The following CACNA2D3 variants were observed in gnomAD, a reference collection of about 807,000 sequenced individuals.
The protein encoded by CACNA2D3 is calcium voltage-gated channel auxiliary subunit alpha2delta 3.
In CACNA2D3, 60 loss-of-function variants were observed where a neutral mutation model predicts 160.6. The observed-to-expected ratio is 0.37, with a 90% CI of 0.30 to 0.46. The LOEUF is 0.46. CACNA2D3 is among the 20% of genes least tolerant of loss of function. The pLI is 1.00. For synonymous variants in CACNA2D3, 558 were observed against 492.9 expected (o/e 1.13, Z -1.75); for missense variants, 1,205 against 1,365.0 (o/e 0.88, Z 1.85).
chr3:54,232,715 G>C (rs1701797591), intron 2 of CACNA2D3, among the ~76,000 whole-genome samples: 8 of 152,116 alleles, frequency 5.3e-5, no homozygotes, highest in Admixed American at 5.2e-4. Context: ...CCCATTTCTT[G>C]AACTGCAGCT....
rs375948737 is a variant in CACNA2D3 at position 54,604,666 on chromosome 3, T to C, written c.963+22789T>C. On this transcript the variant is annotated intron_variant, in intron 9 of 37. Transcript: ENST00000474759. The stretch of plus-strand genomic sequence containing the variant: ...TCTGGCCACGCTTTACCCACTCCAC[T>C]GCTCTCACCCTGGGCTGAGCCACCA... 1.4e-3 allele frequency among the ~76,000 whole-genome samples: 218 copies of C among 152,298 alleles called. 2 individuals carry two copies. Among genetic ancestry groups the C allele is most frequent in the African/African-American group, 4.3e-3 (177 of 41,572 alleles).
chr3:54,429,481 T>C (rs1699957010), intron 4 of CACNA2D3, among the ~76,000 whole-genome samples: 1 of 152,162 alleles, frequency 6.6e-6, no homozygotes, highest in Admixed American at 6.5e-5. Context: ...GTGTCTGTGA[T>C]TGTGAATTTC....
At chr3:54,715,074 T>C (rs1366998742) in intron 11 of CACNA2D3, among the ~76,000 whole-genome samples, 1 of 152,206 alleles carries the variant, frequency 6.6e-6, no homozygotes. Flanking sequence ...GGTTGAGGAC[T>C]GTCCCTCAAG....
chr3:54,925,010 C>A, intron 27 of CACNA2D3: 1 of 1,614,066 alleles, frequency 6.2e-7, no homozygotes, highest in East Asian at 2.2e-5. Flanking sequence ...ATGGCACTGA[C>A]CTAAATGCAA....
intron 2 of CACNA2D3, among the ~76,000 whole-genome samples, chr3:54,152,243 C>T (rs1044064247): frequency 1.3e-5 from 2 of 152,230 alleles, no homozygotes; most frequent in African/African-American, 4.8e-5. Context: ...AGATCATTCT[C>T]ATCTCAGAAG....
chr3:54,981,918 GGAGA>G (rs547237084), intron 29 of CACNA2D3, among the ~76,000 whole-genome samples: 76 of 152,178 alleles, frequency 5.0e-4, no homozygotes, highest in Non-Finnish European at 9.0e-4. Context: ...GAAAGGTAAA[GGAGA>G]GAGAGCAAAG....
intron 13 of CACNA2D3, among the ~76,000 whole-genome samples, chr3:54,770,304 C>G (rs765566274): frequency 2.6e-5 from 4 of 152,184 alleles, no homozygotes; most frequent in Admixed American, 1.3e-4. Flanking sequence ...CATTCCTACA[C>G]ATGATGTTAA....
Position 54,313,271 on chromosome 3 carries a change from T to A in CACNA2D3, c.205-7171T>A, listed in dbSNP as rs185836241. 4.2e-3 allele frequency among the ~76,000 whole-genome samples: 641 copies of A among 152,218 alleles called. 2 individuals are homozygous for A. The highest frequency in any genetic ancestry group is 0.015 in the African/African-American group (618 of 41,536). ...TTGCTGTGTCTGGCCCCTAGAACCC[T>A]TGATGTCTCTCCAGGAGCCCTGCCT... On this transcript the variant is annotated intron_variant, in intron 2 of 37. Transcript: ENST00000474759.
intron 9 of CACNA2D3, among the ~76,000 whole-genome samples, chr3:54,622,955 G>A (rs1575388242): frequency 2.0e-5 from 3 of 152,340 alleles, no homozygotes; most frequent in African/African-American, 4.8e-5. Context: ...TACGATGGCT[G>A]TGATTAAGAA....
intron 4 of CACNA2D3, among the ~76,000 whole-genome samples, chr3:54,423,893 A>C (rs1025937843): frequency 2.2e-5 from 3 of 135,374 alleles, no homozygotes; most frequent in Admixed American, 7.3e-5. Flanking sequence ...TGAAATTCTT[A>C]TTTTTTTTTT....
intron 5 of CACNA2D3, among the ~76,000 whole-genome samples, chr3:54,515,107 C>T (rs1701526561): frequency 1.3e-5 from 2 of 151,578 alleles, no homozygotes; most frequent in Admixed American, 1.3e-4. Context: ...AGAGAAAGGT[C>T]CCAAAGGTGC....
intron 11 of CACNA2D3, among the ~76,000 whole-genome samples, chr3:54,687,867 T>G (rs1700499137): frequency 6.6e-6 from 1 of 152,348 alleles, no homozygotes; most frequent in East Asian, 1.9e-4. Context: ...AGAACGACTT[T>G]ATTACTGAGA....
chr3:54,609,008 G>T (rs1458704492), intron 9 of CACNA2D3, among the ~76,000 whole-genome samples: 1 of 152,162 alleles, frequency 6.6e-6, no homozygotes, highest in Non-Finnish European at 1.5e-5. Flanking sequence ...GAGCAATTGA[G>T]GGGGTGTTAT....
intron 27 of CACNA2D3, among the ~76,000 whole-genome samples, chr3:54,932,170 C>T (rs760125067): frequency 6.6e-6 from 1 of 151,984 alleles, no homozygotes; most frequent in Non-Finnish European, 1.5e-5. Flanking sequence ...CAGAGTGAGA[C>T]CCTGTCTCAA....
intron 4 of CACNA2D3, among the ~76,000 whole-genome samples, chr3:54,489,385 A>G (rs913269034): frequency 6.6e-6 from 1 of 152,214 alleles, no homozygotes; most frequent in African/African-American, 2.4e-5. Flanking sequence ...CTCCACTGCA[A>G]TAGTGACTGC....
chr3:54,477,147 C>T (rs950156029), intron 4 of CACNA2D3, among the ~76,000 whole-genome samples: 2 of 151,956 alleles, frequency 1.3e-5, no homozygotes, highest in African/African-American at 4.8e-5. Flanking sequence ...GGAATGATAC[C>T]AACAGATAAT....
At chr3:54,268,445 T>G (rs1371080602) in intron 2 of CACNA2D3, among the ~76,000 whole-genome samples, 3 of 152,210 alleles carry the variant, frequency 2.0e-5, no homozygotes, top group South Asian at 4.1e-4. Context: ...GTTTCACTCT[T>G]GTCGCCCAGG....
At chr3:54,676,405 G>C (rs1700245065) in intron 11 of CACNA2D3, among the ~76,000 whole-genome samples, 1 of 152,188 alleles carries the variant, frequency 6.6e-6, no homozygotes. Context: ...CTGGGTCTCG[G>C]TAAGACCTCT....
intron 8 of CACNA2D3, among the ~76,000 whole-genome samples, chr3:54,571,341 T>C (rs1448416348): frequency 2.0e-5 from 3 of 152,118 alleles, no homozygotes; most frequent in Non-Finnish European, 4.4e-5. Context: ...TAAGGAGGCA[T>C]GTTCGACCCC....
Sources: gnomAD v4.1 joint callset for allele counts (sites outside exome capture counted in the v4.1 genomes callset) on GRCh38, gnomAD v4.1.1 for gene constraint, MANE v1.5 for transcripts, NCBI Gene and HGNC (gene_info 2026-07-23, HGNC 2026-07-21) for gene names.